CLCN4: variants seen among roughly 807,000 people sequenced by gnomAD.
The protein encoded by CLCN4 is Cl-/H+ antiporter 4.
CLCN4 carries 1 observed loss-of-function variant against 41.7 expected under a neutral mutation model. That is an observed-to-expected ratio of 0.02 (90% confidence interval 0.01 to 0.11). The LOEUF is 0.11. CLCN4 is among the 10% of genes least tolerant of loss of function. The pLI is 1.00. For missense variants in CLCN4, 287 were observed against 661.0 expected (o/e 0.43, Z 6.20); for synonymous variants, 277 against 285.8 (o/e 0.97, Z 0.31).
At chrX:10,194,842 G>C in intron 4 of CLCN4, 69 bp from the exon 5 acceptor site, 9 of 1,082,810 alleles carry the variant, frequency 8.3e-6, no homozygotes, top group Non-Finnish European at 1.1e-5. Flanking sequence ...CTGTCTGGCC[G>C]CCGTGTTGGT....
Position 10,194,019 on chromosome X carries a change from A to C in CLCN4, c.245-892A>C, listed in dbSNP as rs1037063354. Reference sequence around the variant, plus strand: ...AAGGAGAGGAAGAGGTTGAAGATACAGGAGAAGGAAAGGGGAATGGGAAGA... The same window carrying C: ...AAGGAGAGGAAGAGGTTGAAGATACCGGAGAAGGAAAGGGGAATGGGAAGA... On this transcript the variant is annotated intron_variant, in intron 4 of 12. Coordinates refer to ENST00000380833, the MANE Select transcript of CLCN4 (RefSeq NM_001830.4). 6.5e-5 allele frequency among the ~76,000 whole-genome samples: 7 copies of C among 108,490 alleles called. No homozygotes were observed. The Admixed American group carries it at 6.9e-4, about 11-fold the overall frequency. 94.2% of individuals were successfully genotyped at this position (108,490 alleles called of 115,157 possible).
In CLCN4 at chrX:10,212,580, G is replaced by A. The variant is rs398123627; in HGVS notation, c.1503G>A (p.Arg501=). 7.8e-5 allele frequency: 94 copies of A among 1,209,835 alleles called. No homozygotes were observed. In the South Asian group the frequency reaches 1.3e-3, roughly 17 times the overall value. The change falls in exon 10 of 13, where the codon AGG becomes AGA. Residue 501 remains arginine (R), a synonymous_variant. Coordinates refer to ENST00000380833, the MANE Select transcript of CLCN4 (RefSeq NM_001830.4). ...ATCACCATGACTGGATCATCTTCAGGAACTGGTGCAGACCCGGTGCAGACT... is the reference window on the plus strand; with the variant it reads ...ATCACCATGACTGGATCATCTTCAGAAACTGGTGCAGACCCGGTGCAGACT... ...AYHHHDWIIF[R]NWCRPGADCV...
At chrX:10,207,006 G>A (rs1490714026) in intron 8 of CLCN4, among the ~76,000 whole-genome samples, 1 of 110,183 alleles carries the variant, frequency 9.1e-6, no homozygotes, top group Non-Finnish European at 1.9e-5. Context: ...TACAACCTCC[G>A]CTTCCCGGGT....
intron 2 of CLCN4, among the ~76,000 whole-genome samples, chrX:10,179,438 A>G (rs1471997070): frequency 1.8e-5 from 2 of 111,685 alleles, no homozygotes; most frequent in African/African-American, 6.5e-5. Context: ...TTGAAAGAAA[A>G]CAGTCTAAAC....
chrX:10,233,831 T>C lies in CLCN4; in HGVS notation c.*247T>C, dbSNP rs1174363077. 1 of 344,170 alleles carries C rather than the reference T, an allele frequency of 2.9e-6. No homozygotes were observed. The highest frequency in any genetic ancestry group is 5.1e-6 in the Non-Finnish European group (1 of 194,743). 28.4% of individuals were successfully genotyped at this position (344,170 alleles called of 1,213,427 possible). A position where few individuals can be genotyped will look rare whatever the true frequency, so the allele number is the denominator to read the frequency against. On this transcript the variant is annotated 3_prime_UTR_variant, in exon 13 of 13. Transcript: ENST00000380833. ...TTTCCTAATGAGTTTGCTACTGCTG[T>C]GGGGGCATGTGGGTGGGTAAATGAT...
rs1925174619 is a variant in CLCN4, at chrX:10,233,532, G to A, written c.2231G>A (p.Arg744Lys). 1.2e-5 allele frequency: 14 copies of A among 1,210,337 alleles called. No individual in the cohort carries two copies. Among genetic ancestry groups the A allele is most frequent in the African/African-American group, 1.7e-5 (1 of 57,737 alleles). Reference sequence around the variant, plus strand: ...ATCATCACAAAAAAGGATGTTCTGAGACATATGGCCCAGATGGCAAACCAG... The same window carrying A: ...ATCATCACAAAAAAGGATGTTCTGAAACATATGGCCCAGATGGCAAACCAG... ...LGIITKKDVL[R>K]HMAQMANQDP... Residue 744 changes from arginine to lysine, a missense_variant, in exon 13 of 13, where the codon AGA (arginine) becomes AAA (lysine). Around this residue, in one of 6 missense-constraint regions of CLCN4, gnomAD observed 14 missense variants for 50.0 expected, o/e 0.28. Coordinates refer to ENST00000380833, the MANE Select transcript of CLCN4 (RefSeq NM_001830.4).
At chrX:10,229,443 G>A (rs1247183372) in intron 12 of CLCN4, among the ~76,000 whole-genome samples, 2 of 108,782 alleles carry the variant, frequency 1.8e-5, no homozygotes, top group African/African-American at 3.4e-5. Context: ...TGTGCACAAC[G>A]TGCAGGTTTG....
chrX:10,182,996 C>T (rs1923723212), intron 2 of CLCN4, among the ~76,000 whole-genome samples: 1 of 112,238 alleles, frequency 8.9e-6, no homozygotes. Flanking sequence ...CTCTGCGATT[C>T]TATCTGCTGG....
At chrX:10,224,357 T>C (rs1191420563) in intron 12 of CLCN4, among the ~76,000 whole-genome samples, 1 of 104,974 alleles carries the variant, frequency 9.5e-6, no homozygotes. Flanking sequence ...TGTGTTATAG[T>C]TATCATCACT....
intron 4 of CLCN4, among the ~76,000 whole-genome samples, chrX:10,191,085 T>C (rs1359385158): frequency 8.9e-6 from 1 of 112,137 alleles, no homozygotes; most frequent in Non-Finnish European, 1.9e-5. Context: ...TCAGTGGTTT[T>C]TAATGTATCA....
At chrX:10,187,660 C>G in intron 4 of CLCN4, 46 bp downstream of exon 4, 1 of 1,006,146 alleles carries the variant, frequency 9.9e-7, no homozygotes, top group Non-Finnish European at 1.4e-6. Flanking sequence ...CTGCAGAGGC[C>G]GAAACCTCAA....
At chrX:10,208,715 G>C in intron 9 of CLCN4, 125 bp downstream of exon 9, 2 of 543,679 alleles carry the variant, frequency 3.7e-6, no homozygotes, top group Non-Finnish European at 5.8e-6. Flanking sequence ...GTTCTCATGT[G>C]CCAGGCACTT....
chrX:10,188,143 T>C lies in CLCN4; in HGVS notation c.244+529T>C, dbSNP rs188684335. Among the ~76,000 whole-genome samples the C allele has an allele frequency of 4.0e-3, 446 of 112,438 alleles. 3 individuals carry two copies. The highest frequency in any genetic ancestry group is 0.013 in the African/African-American group (399 of 30,954). On this transcript the variant is annotated intron_variant, in intron 4 of 12. Coordinates refer to ENST00000380833, the MANE Select transcript of CLCN4 (RefSeq NM_001830.4). ...TGTGTTGCTCAGGCTGGTCTCAAAC[T>C]CCTGGGCTCAAGCCATCCTCCTGCC...
At chrX:10,221,820 G>A (rs559404725) in intron 12 of CLCN4, among the ~76,000 whole-genome samples, 6 of 112,154 alleles carry the variant, frequency 5.3e-5, no homozygotes, top group African/African-American at 1.9e-4. Flanking sequence ...AAGGAGGGGA[G>A]CCTGAACTCA....
intron 6 of CLCN4, among the ~76,000 whole-genome samples, chrX:10,199,605 G>A (rs1340784954): frequency 8.9e-6 from 1 of 111,891 alleles, no homozygotes; most frequent in Non-Finnish European, 1.9e-5. Flanking sequence ...ACATGACTGG[G>A]TGCAATTTTC....
intron 2 of CLCN4, among the ~76,000 whole-genome samples, chrX:10,167,983 C>T (rs940429882): frequency 6.2e-5 from 7 of 112,470 alleles, no homozygotes; most frequent in African/African-American, 1.9e-4. Context: ...CCTTCTGAAG[C>T]TCCACTTTTC....
intron 11 of CLCN4, among the ~76,000 whole-genome samples, chrX:10,219,197 G>A (rs182206455): frequency 8.9e-6 from 1 of 112,277 alleles, no homozygotes; most frequent in Non-Finnish European, 1.9e-5. Context: ...TTTTAGAAGG[G>A]GTTCAGCAAA....
rs771033388 is a variant in CLCN4, at chrX:10,214,010, G to T, written c.1906G>T (p.Val636Leu). The stretch of plus-strand genomic sequence containing the variant: ...GGAGACCGACTACAACGGCTTCCCC[G>T]TGGTGGTCTCCAGAGACTCCGAGCG... ...IKETDYNGFP[V>L]VVSRDSERLI... Residue 636 changes from valine (V) to leucine (L), a missense_variant, in exon 11 of 13, where the codon GTG becomes TTG. Physicochemically the swap from Val to Leu is conservative, Grantham distance 32. This residue lies in a region of CLCN4 where 71 missense variants were observed against 104.5 expected (regional missense o/e 0.68). Coordinates refer to ENST00000380833, the MANE Select transcript of CLCN4 (RefSeq NM_001830.4). The T allele has an allele frequency of 1.7e-6, 2 of 1,208,753 alleles. No homozygotes were observed. Among genetic ancestry groups the T allele is most frequent in the Non-Finnish European group, 1.1e-6 (1 of 893,998 alleles).
intron 11 of CLCN4, among the ~76,000 whole-genome samples, chrX:10,218,796 A>G (rs1266358787): frequency 8.9e-6 from 1 of 112,465 alleles, no homozygotes; most frequent in Non-Finnish European, 1.9e-5. Flanking sequence ...CACTGTGGGA[A>G]CAGCAAGGTG....
Sources: gnomAD v4.1 joint callset for allele counts (sites outside exome capture counted in the v4.1 genomes callset) on GRCh38, gnomAD v4.1.1 for gene constraint, gnomAD v4.1.1 regional missense constraint, MANE v1.5 for transcripts, NCBI Gene and HGNC (gene_info 2026-07-23, HGNC 2026-07-21) for gene names.